The following TAFA1 variants were observed in gnomAD, a reference collection of about 807,000 sequenced individuals.
TAFA1 encodes chemokine-like protein TAFA-1.
A neutral mutation model predicts 18.5 loss-of-function variants in TAFA1; 4 were observed. The ratio of observed to expected loss-of-function variants is 0.22; its 90% CI spans 0.11 to 0.49. The LOEUF (loss-of-function observed/expected upper bound fraction) is 0.49. TAFA1 is among the 20% of genes least tolerant of loss of function. The pLI, the probability that TAFA1 is intolerant of heterozygous loss-of-function variation, is 0.98. For synonymous variants in TAFA1, 56 were observed against 55.2 expected, an observed-to-expected ratio of 1.01 and a Z score of -0.06; for missense variants, 147 against 169.0, an observed-to-expected ratio of 0.87 and a Z score of 0.72.
intron 3 of TAFA1, among the ~76,000 whole-genome samples, chr3:68,527,365 C>T (rs1352538816): frequency 3.3e-5 from 5 of 152,078 alleles, no homozygotes; most frequent in Non-Finnish European, 5.9e-5. Flanking sequence ...CAAAATAGGA[C>T]ATGTACCCCT....
intron 2 of TAFA1, among the ~76,000 whole-genome samples, chr3:68,367,899 T>C (rs2106808001): frequency 6.6e-6 from 1 of 152,308 alleles, no homozygotes; most frequent in East Asian, 1.9e-4. Context: ...AGTGGTTCTA[T>C]TGTTTGTGTA....
At chr3:68,125,205 A>C (rs1225645584) in intron 2 of TAFA1, among the ~76,000 whole-genome samples, 2 of 152,160 alleles carry the variant, frequency 1.3e-5, no homozygotes, top group African/African-American at 4.8e-5. Context: ...TCAGCACAGC[A>C]CTTCTCTGTG....
intron 2 of TAFA1, among the ~76,000 whole-genome samples, chr3:68,024,248 T>A (rs1237338238): frequency 6.6e-6 from 1 of 152,124 alleles, no homozygotes; most frequent in African/African-American, 2.4e-5. Context: ...TATACATGCC[T>A]TGATGATGAT....
rs572079975 is a variant in TAFA1, at chr3:68,021,409, G to A, written c.118+14665G>A. On this transcript the variant is annotated intron_variant, in intron 2 of 4. Coordinates refer to ENST00000478136, the MANE Select transcript of TAFA1 (RefSeq NM_213609.4). ...TACTAGTCAGCTGAAATCTTACAGTGTGTATCCACACTTCTTGGGATGTTT... is the reference window on the plus strand; with the variant it reads ...TACTAGTCAGCTGAAATCTTACAGTATGTATCCACACTTCTTGGGATGTTT... 2.6e-5 allele frequency among the ~76,000 whole-genome samples: 4 copies of A among 152,188 alleles called. No homozygotes were observed. The South Asian group carries it at 8.3e-4, about 32-fold the overall frequency.
intron 2 of TAFA1, among the ~76,000 whole-genome samples, chr3:68,399,832 A>G (rs2070454714): frequency 6.6e-6 from 1 of 152,138 alleles, no homozygotes; most frequent in Admixed American, 6.6e-5. Flanking sequence ...TGACATGCAG[A>G]AACAAAAATT....
At chr3:68,495,118 C>G (rs1216830024) in intron 3 of TAFA1, among the ~76,000 whole-genome samples, 1 of 152,190 alleles carries the variant, frequency 6.6e-6, no homozygotes, top group East Asian at 1.9e-4. Flanking sequence ...CCAGTGGACA[C>G]CCACAACACA....
At chr3:68,189,360 C>G (rs551168913) in intron 2 of TAFA1, among the ~76,000 whole-genome samples, 11 of 152,030 alleles carry the variant, frequency 7.2e-5, no homozygotes, top group Admixed American at 1.3e-4. Context: ...CTGATCTTTA[C>G]TACCATTCAA....
chr3:68,346,992 A>G (rs1019036682), intron 2 of TAFA1, among the ~76,000 whole-genome samples: 2 of 147,434 alleles, frequency 1.4e-5, no homozygotes, highest in Admixed American at 1.4e-4. Flanking sequence ...CCCTTTTCTC[A>G]GAAGGTTCTT....
chr3:68,220,138 A>C (rs1298990760), intron 2 of TAFA1, among the ~76,000 whole-genome samples: 1 of 152,214 alleles, frequency 6.6e-6, no homozygotes, highest in African/African-American at 2.4e-5. Flanking sequence ...ATTCTTAATT[A>C]GAAAAGAATG....
At chr3:68,212,892 T>C (rs979558270) in intron 2 of TAFA1, among the ~76,000 whole-genome samples, 1 of 152,024 alleles carries the variant, frequency 6.6e-6, no homozygotes, top group Non-Finnish European at 1.5e-5. Context: ...ACTAAGCTGC[T>C]GGGTGGGATT....
chr3:68,042,839 A>G (rs934671956), intron 2 of TAFA1, among the ~76,000 whole-genome samples: 2 of 152,154 alleles, frequency 1.3e-5, no homozygotes, highest in Non-Finnish European at 2.9e-5. Context: ...TCAAGCACAC[A>G]TTAATTTTCA....
intron 2 of TAFA1, among the ~76,000 whole-genome samples, chr3:68,381,450 C>G (rs2069953133): frequency 6.6e-6 from 1 of 152,138 alleles, no homozygotes; most frequent in African/African-American, 2.4e-5. Flanking sequence ...TTTCATTGAG[C>G]AGTGGTTTGT....
intron 2 of TAFA1, among the ~76,000 whole-genome samples, chr3:68,387,577 C>T (rs1157351201): frequency 6.6e-6 from 1 of 152,064 alleles, no homozygotes; most frequent in Non-Finnish European, 1.5e-5. Context: ...CTGAGCCAGA[C>T]ATTATGATGG....
chr3:68,100,029 A>C (rs1043667895), intron 2 of TAFA1, among the ~76,000 whole-genome samples: 1 of 152,150 alleles, frequency 6.6e-6, no homozygotes, highest in African/African-American at 2.4e-5. Flanking sequence ...ACAAGAGCTG[A>C]AAATCTCCCT....
chr3:68,043,888 A>T (rs1441923324), intron 2 of TAFA1, among the ~76,000 whole-genome samples: 1 of 152,178 alleles, frequency 6.6e-6, no homozygotes, highest in Non-Finnish European at 1.5e-5. Context: ...GTACATGTGC[A>T]CAATGTGCGG....
intron 2 of TAFA1, among the ~76,000 whole-genome samples, chr3:68,155,194 G>A (rs1476789893): frequency 3.3e-5 from 5 of 152,084 alleles, no homozygotes; most frequent in African/African-American, 9.7e-5. Context: ...AAGGACCCAC[G>A]TACAGCAGAC....
chr3:68,525,336 A>G (rs1471160173), intron 3 of TAFA1, among the ~76,000 whole-genome samples: 1 of 152,188 alleles, frequency 6.6e-6, no homozygotes, highest in African/African-American at 2.4e-5. Context: ...TCCTTATATC[A>G]TCCTTCATTT....
chr3:68,034,379 A>G (rs1705002257), intron 2 of TAFA1, among the ~76,000 whole-genome samples: 1 of 152,170 alleles, frequency 6.6e-6, no homozygotes, highest in Non-Finnish European at 1.5e-5. Flanking sequence ...CCATAAACCT[A>G]TAATGTACTA....
intron 2 of TAFA1, among the ~76,000 whole-genome samples, chr3:68,113,904 T>TG (rs1159943652): frequency 7.0e-6 from 1 of 143,860 alleles, no homozygotes; most frequent in African/African-American, 2.6e-5. Context: ...TTTGTTTTTT[T>TG]TTTTTTTTTT....
Sources: gnomAD v4.1 joint callset for allele counts (sites outside exome capture counted in the v4.1 genomes callset) on GRCh38, gnomAD v4.1.1 for gene constraint, MANE v1.5 for transcripts, NCBI Gene and HGNC (gene_info 2026-07-23, HGNC 2026-07-21) for gene names.